The following SUCO variants were observed in gnomAD, a reference collection of about 807,000 sequenced individuals.
SUCO encodes the protein SUN domain-containing ossification factor.
In SUCO, 57 loss-of-function variants were observed where a neutral mutation model predicts 148.1. The ratio of observed to expected loss-of-function variants is 0.38; its 90% CI spans 0.31 to 0.48. The LOEUF (loss-of-function observed/expected upper bound fraction) is 0.48. Among genes scored for constraint, SUCO ranks in the 20% least tolerant of loss-of-function variants. The pLI, the probability that SUCO is intolerant of heterozygous loss-of-function variation, is 0.96. For missense variants in SUCO, 1,331 were observed against 1,468.2 expected, an observed-to-expected ratio of 0.91 and a Z score of 1.53; for synonymous variants, 470 against 502.7, an observed-to-expected ratio of 0.93 and a Z score of 0.87.
rs572528572 is a variant in SUCO at position 172,611,562 on chromosome 1, C to CT, written c.*1309dup. 4.6e-5 allele frequency: 7 copies of CT among 152,610 alleles called. No homozygotes were observed. Among genetic ancestry groups the CT allele is most frequent in the Admixed American group, 4.6e-4 (7 of 15,282 alleles). 9.5% of individuals were successfully genotyped at this position (152,610 alleles called of 1,614,324 possible). A position where few individuals can be genotyped will look rare whatever the true frequency, so the allele number is the denominator to read the frequency against. On this transcript the variant is annotated 3_prime_UTR_variant, in exon 24 of 24. Coordinates refer to ENST00000263688, the MANE Select transcript of SUCO (RefSeq NM_014283.5). Reference sequence around the variant, plus strand: ...GTTTGTAATGTGACTTATTTAACGCCTTTTTTGTTTGTTTAAGTTGCTGCT... The same window carrying CT: ...GTTTGTAATGTGACTTATTTAACGCCTTTTTTTGTTTGTTTAAGTTGCTGCT...
At chr1:172,608,128 A>G (rs996259126) in intron 22 of SUCO, 9 of 973,248 alleles carry the variant, frequency 9.2e-6, no homozygotes, top group Non-Finnish European at 2.4e-6. Context: ...TAATAAATCT[A>G]ATTTACTCAC....
intron 6 of SUCO, among the ~76,000 whole-genome samples, chr1:172,568,629 A>T (rs1227202651): frequency 5.3e-5 from 8 of 152,200 alleles, no homozygotes; most frequent in Admixed American, 2.6e-4. Context: ...ATATTAAAAC[A>T]TCTAAAATTA....
chr1:172,542,621 T>A (rs138603086), intron 1 of SUCO: 1 of 410,672 alleles, frequency 2.4e-6, no homozygotes. Context: ...GGATCTAGGT[T>A]GTGTACTCCT....
At chr1:172,542,770 A>G in intron 1 of SUCO, 3 of 985,438 alleles carry the variant, frequency 3.0e-6, no homozygotes, top group Non-Finnish European at 3.6e-6. Context: ...TTGAAACAGA[A>G]TAAAGAAAGG....
chr1:172,565,104 C>T (rs192653893), intron 6 of SUCO, among the ~76,000 whole-genome samples: 423 of 152,180 alleles, frequency 2.8e-3, no homozygotes, highest in Non-Finnish European at 4.0e-3. Flanking sequence ...ATTCTATTCT[C>T]ATGCCATTTT....
rs575521984 is a variant in SUCO, at chr1:172,599,315, C to T, written c.2914-749C>T. On this transcript the variant is annotated intron_variant, in intron 19 of 23. Coordinates refer to ENST00000263688, the MANE Select transcript of SUCO (RefSeq NM_014283.5). The stretch of plus-strand genomic sequence containing the variant: ...CTGCACTCCAGCCTGGGCGACAGAG[C>T]GAGACTCCGTCTCAAAAAAAAATAA... 1.1e-4 allele frequency: 31 copies of T among 270,186 alleles called. 1 individual carries two copies. Among genetic ancestry groups the T allele is most frequent in the Middle Eastern group, 1.8e-3 (1 of 542 alleles). 16.7% of individuals were successfully genotyped at this position (270,186 alleles called of 1,614,324 possible).
At chr1:172,595,061 C>A (rs918285931) in intron 19 of SUCO, among the ~76,000 whole-genome samples, 1 of 152,110 alleles carries the variant, frequency 6.6e-6, no homozygotes, top group Non-Finnish European at 1.5e-5. Flanking sequence ...CTCTTTTGAT[C>A]TTTGTTGGTT....
chr1:172,534,953 C>A (rs1044943420), intron 1 of SUCO, among the ~76,000 whole-genome samples: 1 of 152,188 alleles, frequency 6.6e-6, no homozygotes, highest in Non-Finnish European at 1.5e-5. Context: ...ACACCAGTAT[C>A]TCTGGCTTTT....
chr1:172,571,480 C>T (rs1476570135), intron 9 of SUCO, among the ~76,000 whole-genome samples: 1 of 151,426 alleles, frequency 6.6e-6, no homozygotes, highest in Non-Finnish European at 1.5e-5. Context: ...CCGGCCGCCA[C>T]CCCGTCTGGG....
chr1:172,572,420 A>T (rs1049140300), intron 9 of SUCO, among the ~76,000 whole-genome samples: 6 of 151,912 alleles, frequency 3.9e-5, no homozygotes, highest in African/African-American at 1.4e-4. Context: ...GTGCTCCCTG[A>T]AACATGTGCT....
At chr1:172,561,584 G>T (rs1190516268) in intron 6 of SUCO, among the ~76,000 whole-genome samples, 1 of 152,132 alleles carries the variant, frequency 6.6e-6, no homozygotes, top group Admixed American at 6.6e-5. Context: ...TTGGGCCTTA[G>T]CATGGCCTCT....
chr1:172,593,908 A>G (rs926683051), intron 19 of SUCO, among the ~76,000 whole-genome samples: 2 of 151,978 alleles, frequency 1.3e-5, no homozygotes, highest in African/African-American at 2.4e-5. Context: ...CTGGTCCTGG[A>G]CTTTTTTTGG....
chr1:172,533,179 G>T lies in SUCO; in HGVS notation c.-257G>T, dbSNP rs978650881. ...GGCGGCAGTGGCGGCTGCAGGAGGC[G>T]GGCGTGGACGAGCCGGTGGCTGCAG... On this transcript the variant is annotated 5_prime_UTR_variant, in exon 1 of 24. Coordinates refer to ENST00000263688, the MANE Select transcript of SUCO (RefSeq NM_014283.5). 1 of 1,482,668 alleles carries T rather than the reference G, an allele frequency of 6.7e-7. No individual in the cohort carries two copies. Among genetic ancestry groups the T allele is most frequent in the African/African-American group, 1.4e-5 (1 of 70,772 alleles). 91.8% of individuals were successfully genotyped at this position (1,482,668 alleles called of 1,614,324 possible). A position where few individuals can be genotyped will look rare whatever the true frequency, so the allele number is the denominator to read the frequency against.
intron 22 of SUCO, among the ~76,000 whole-genome samples, chr1:172,604,567 G>T (rs1369121317): frequency 2.0e-5 from 3 of 151,736 alleles, no homozygotes; most frequent in African/African-American, 4.8e-5. Context: ...CAGTTTTTAA[G>T]TGCACAGTTC....
At chr1:172,554,178 G>A (rs2149230362) in intron 3 of SUCO, among the ~76,000 whole-genome samples, 1 of 152,172 alleles carries the variant, frequency 6.6e-6, no homozygotes, top group Admixed American at 6.5e-5. Flanking sequence ...AATAGAATTA[G>A]TTTCATTTTA....
chr1:172,593,049 G>T (rs1034600629), intron 19 of SUCO, among the ~76,000 whole-genome samples: 3 of 149,880 alleles, frequency 2.0e-5, no homozygotes, highest in Non-Finnish European at 4.5e-5. Flanking sequence ...GTGAATGAGA[G>T]TTCACTCATG....
chr1:172,532,480 GA>G, upstream of SUCO: 2 of 1,612,334 alleles, frequency 1.2e-6, no homozygotes, highest in Non-Finnish European at 1.7e-6. Context: ...CAGATGAGAG[GA>G]TTCTTGGCAC....
chr1:172,540,116 GA>G (rs1243383521), intron 1 of SUCO, among the ~76,000 whole-genome samples: 1 of 152,192 alleles, frequency 6.6e-6, no homozygotes, highest in Non-Finnish European at 1.5e-5. Context: ...TAAAGATGAA[GA>G]AAGGTGGGCA....
intron 7 of SUCO, chr1:172,569,538 T>C (rs1461644308): frequency 1.0e-6 from 1 of 977,238 alleles, no homozygotes; most frequent in African/African-American, 1.8e-5. Context: ...TTCAAGAACA[T>C]ACCTAAAGAA....
Sources: gnomAD v4.1 joint callset for allele counts (sites outside exome capture counted in the v4.1 genomes callset) on GRCh38, gnomAD v4.1.1 for gene constraint, MANE v1.5 for transcripts, NCBI Gene and HGNC (gene_info 2026-07-23, HGNC 2026-07-21) for gene names.